Variants in TFPI2 observed in about 807,000 individuals in gnomAD.
The protein encoded by TFPI2 is placental protein 5.
Under a neutral mutation model 23.1 loss-of-function variants are expected in TFPI2, and 23 were observed. The observed-to-expected ratio is 1.00, with a 90% confidence interval of 0.72 to 1.41. TFPI2 has a LOEUF of 1.41. Among genes scored for constraint, TFPI2 ranks in the 40% most tolerant of loss-of-function variants. The probability of loss-of-function intolerance (pLI) is 0.00; values close to 1 mark genes in which losing one functional copy is unlikely to be tolerated. For synonymous variants in TFPI2, 119 were observed against 111.7 expected (o/e 1.07, Z -0.41); for missense variants, 291 against 299.6 (o/e 0.97, Z 0.21).
chr7:93,887,343 A>C lies in TFPI2; in HGVS notation c.549T>G (p.Cys183Trp). The C allele has an allele frequency of 6.2e-7, 1 of 1,613,922 alleles. No individual in the cohort carries two copies. Among genetic ancestry groups the C allele is most frequent in the Non-Finnish European group, 8.5e-7 (1 of 1,179,838 alleles). Residue 183 changes from cysteine (C) to tryptophan (W), a missense_variant, in exon 4 of 5, where the codon TGT (cysteine) becomes TGG (tryptophan). By Grantham distance (215) the Cys-to-Trp change is radical. Coordinates refer to ENST00000222543, the MANE Select transcript of TFPI2 (RefSeq NM_006528.4). ...CACAGCCAGTATAGGTGAAAGCATCACAGGTTCTGTATCTTGGATTAAAAT... is the reference window on the plus strand; with the variant it reads ...CACAGCCAGTATAGGTGAAAGCATCCCAGGTTCTGTATCTTGGATTAAAAT... ...RYYFNPRYRTCDAFTYTGCGG... is the reference protein window; with the variant it reads ...RYYFNPRYRTWDAFTYTGCGG...
At chr7:93,888,524 A>AGAAG (rs745771609) in intron 3 of TFPI2, among the ~76,000 whole-genome samples, 3 of 116,636 alleles carry the variant, frequency 2.6e-5, no homozygotes, top group Admixed American at 9.2e-5. Context: ...AAAGAAAGAA[A>AGAAG]GAAGGAAGGA....
chr7:93,888,532 G>A (rs1442189767), intron 3 of TFPI2, among the ~76,000 whole-genome samples: 2 of 96,368 alleles, frequency 2.1e-5, no homozygotes, highest in Admixed American at 1.2e-4. Context: ...AAAGAAGGAA[G>A]GAAGGAAGGA....
intron 1 of TFPI2, 104 bp from the exon 2 acceptor site, chr7:93,890,423 G>A: frequency 6.9e-7 from 1 of 1,454,604 alleles, no homozygotes; most frequent in Non-Finnish European, 9.2e-7. Flanking sequence ...CCGAGCGGAG[G>A]GGCCTCTGCA....
chr7:93,890,234 C>T lies in TFPI2; in HGVS notation c.174G>A (p.Thr58=), dbSNP rs747674325. The change falls in exon 2 of 5, where the codon ACG becomes ACA. Residue 58 remains threonine, a synonymous_variant. Coordinates refer to ENST00000222543, the MANE Select transcript of TFPI2 (RefSeq NM_006528.4). ...LLLRYYYDRY[T]QSCRQFLYGG... The stretch of plus-strand genomic sequence containing the variant: ...CGTACAGGAACTGGCGGCAGCTCTG[C>T]GTGTACCTGTCGTAGTAGTAACGGA... 6.2e-6 allele frequency: 10 copies of T among 1,613,998 alleles called. No homozygotes were observed. The highest frequency in any genetic ancestry group is 8.5e-6 in the Non-Finnish European group (10 of 1,179,886).
In TFPI2 at chr7:93,890,585, A is replaced by C. The variant is rs766598130; in HGVS notation, c.88+6T>G. Reference sequence around the variant, plus strand: ...GGGGAGAGAAGCTCCTGGAGCGGCCAGATACCTGTTGGCTCCTGAGCAGCA... The same window carrying C: ...GGGGAGAGAAGCTCCTGGAGCGGCCCGATACCTGTTGGCTCCTGAGCAGCA... On this transcript the variant is annotated splice_donor_region_variant and intron_variant, in intron 1 of 4. Coordinates refer to ENST00000222543, the MANE Select transcript of TFPI2 (RefSeq NM_006528.4). The C allele has an allele frequency of 6.2e-7, 1 of 1,612,964 alleles. No individual in the cohort carries two copies. Among genetic ancestry groups the C allele is most frequent in the African/African-American group, 1.3e-5 (1 of 75,014 alleles).
At chr7:93,887,472 C>T in intron 3 of TFPI2, 41 bp from the exon 4 acceptor site, 1 of 1,522,292 alleles carries the variant, frequency 6.6e-7, no homozygotes, top group Non-Finnish European at 9.0e-7. Context: ...GTTATAATAC[C>T]AGAATTTTTA....
At chr7:93,888,824 C>T (rs1357807906) in intron 3 of TFPI2, among the ~76,000 whole-genome samples, 1 of 152,042 alleles carries the variant, frequency 6.6e-6, no homozygotes, top group Non-Finnish European at 1.5e-5. Flanking sequence ...GAGAGTCCGT[C>T]TCAAAAACAA....
chr7:93,886,791 A>C lies in TFPI2; in HGVS notation c.*29T>G. 1 of 1,423,126 alleles carries C rather than the reference A, an allele frequency of 7.0e-7. No homozygotes were observed. Among genetic ancestry groups the C allele is most frequent in the Non-Finnish European group, 9.5e-7 (1 of 1,055,064 alleles). 88.2% of individuals were successfully genotyped at this position (1,423,126 alleles called of 1,614,324 possible). On this transcript the variant is annotated 3_prime_UTR_variant, in exon 5 of 5. Transcript: ENST00000222543. ...AACCATAAAGGCAAATAAGCCATAA[A>C]GACAAACAAGATGACATATTAAGAA...
In TFPI2 at chr7:93,890,732, G is replaced by A; in HGVS notation, c.-54C>T. 2 of 1,531,280 alleles carry A rather than the reference G, an allele frequency of 1.3e-6. No individual in the cohort carries two copies. Among genetic ancestry groups the A allele is most frequent in the South Asian group, 1.2e-5 (1 of 86,544 alleles). The allele number at this position is 1,531,280 out of a possible 1,614,324, so 94.9% of individuals were successfully genotyped here. Reference sequence around the variant, plus strand: ...CAAGGCGTCCGAGAAAGCGCCTGGCGGGAGGAGGTGCGCGGCTTTCTGCTC... The same window carrying A: ...CAAGGCGTCCGAGAAAGCGCCTGGCAGGAGGAGGTGCGCGGCTTTCTGCTC... On this transcript the variant is annotated 5_prime_UTR_variant, in exon 1 of 5. Coordinates refer to ENST00000222543, the MANE Select transcript of TFPI2 (RefSeq NM_006528.4).
chr7:93,887,493 A>G, intron 3 of TFPI2, 62 bp from the exon 4 acceptor site: 1 of 1,328,596 alleles, frequency 7.5e-7, no homozygotes, highest in Non-Finnish European at 1.1e-6. Flanking sequence ...AATTATGGTG[A>G]TTACTGAAGT....
At chr7:93,890,447 C>G in intron 1 of TFPI2, 128 bp from the exon 2 acceptor site, 1 of 1,420,502 alleles carries the variant, frequency 7.0e-7, no homozygotes, top group Non-Finnish European at 9.4e-7. Context: ...AAAGTGCAAA[C>G]TTGGGAGCGA....
In TFPI2 at chr7:93,890,612, C is replaced by A; in HGVS notation, c.67G>T (p.Asp23Tyr). ...ATACCTGTTGGCTCCTGAGCAGCAT[C>A]GCCCAGTGCAGCCTCCGTCAGGAAA... ...LLFLTEAALG[D>Y]AAQEPTGNNA... The change falls in exon 1 of 5, where the codon GAT becomes TAT. Residue 23 changes from aspartate to tyrosine, a missense_variant. Physicochemically the swap from Asp to Tyr is radical, Grantham distance 160. Transcript: ENST00000222543. 6.2e-7 allele frequency: 1 copy of A among 1,613,494 alleles called. No homozygotes were observed. The highest frequency in any genetic ancestry group is 1.3e-5 in the African/African-American group (1 of 75,030).
rs1009517848 is a variant in TFPI2 at position 93,885,674 on chromosome 7, C to G, written c.*1146G>C. ...TGCATATATAGATATTTTGCTAACTCCTCATCCATAAAATCTTCAACCAGT... is the reference window on the plus strand; with the variant it reads ...TGCATATATAGATATTTTGCTAACTGCTCATCCATAAAATCTTCAACCAGT... On this transcript the variant is annotated 3_prime_UTR_variant, in exon 5 of 5. Coordinates refer to ENST00000222543, the MANE Select transcript of TFPI2 (RefSeq NM_006528.4). 6.6e-6 allele frequency: 1 copy of G among 151,960 alleles called. No homozygotes were observed. The highest frequency in any genetic ancestry group is 2.4e-5 in the African/African-American group (1 of 41,402). 9.4% of individuals were successfully genotyped at this position (151,960 alleles called of 1,614,324 possible).
intron 4 of TFPI2, among the ~76,000 whole-genome samples, 182 bp from the exon 5 acceptor site, chr7:93,887,078 G>A (rs183006802): frequency 1.1e-4 from 17 of 152,180 alleles, no homozygotes; most frequent in Admixed American, 4.6e-4. Context: ...TACAGCTACC[G>A]TCTACTGCAG....
intron 3 of TFPI2, 145 bp from the exon 4 acceptor site, chr7:93,887,576 G>A (rs1157088006): frequency 2.9e-5 from 18 of 629,280 alleles, no homozygotes; most frequent in East Asian, 2.5e-4. Flanking sequence ...TTAAAAAGAT[G>A]TGCTTCAAAT....
intron 3 of TFPI2, among the ~76,000 whole-genome samples, chr7:93,888,589 G>GGAAGGAAGGAGAA (rs138314368): frequency 6.8e-5 from 7 of 103,286 alleles, no homozygotes; most frequent in Admixed American, 1.1e-4. Flanking sequence ...AGGAAGGAAA[G>GGAAGGAAGGAGAA]AGAAAGAAAG....
intron 3 of TFPI2, among the ~76,000 whole-genome samples, chr7:93,888,544 A>AGAAGGAAGGAAGGAAGGAAGGAAG (rs56960901): frequency 8.4e-4 from 89 of 105,370 alleles, no homozygotes; most frequent in Admixed American, 6.6e-4. Flanking sequence ...AAGGAAGGAA[A>AGAAGGAAGGAAGGAAGGAAGGAAG]GAAGGAAGGA....
chr7:93,888,544 A>AGAAGGAAGGAAGGAAGGAAGGAAGGAAG (rs56960901), intron 3 of TFPI2, among the ~76,000 whole-genome samples: 5 of 105,316 alleles, frequency 4.7e-5, no homozygotes, highest in Non-Finnish European at 7.2e-5. Flanking sequence ...AAGGAAGGAA[A>AGAAGGAAGGAAGGAAGGAAGGAAGGAAG]GAAGGAAGGA....
chr7:93,890,022 G>T, intron 2 of TFPI2, 115 bp downstream of exon 2: 1 of 1,151,964 alleles, frequency 8.7e-7, no homozygotes, highest in Non-Finnish European at 1.2e-6. Context: ...CTTAACACTT[G>T]AGAAAACCCA....
Sources: gnomAD v4.1 joint callset for allele counts (sites outside exome capture counted in the v4.1 genomes callset) on GRCh38, gnomAD v4.1.1 for gene constraint, MANE v1.5 for transcripts, NCBI Gene and HGNC (gene_info 2026-07-23, HGNC 2026-07-21) for gene names.